Variants in KDM2B observed in about 807,000 individuals in gnomAD.
KDM2B encodes the protein lysine demethylase 2B.
A neutral mutation model predicts 150.0 loss-of-function variants in KDM2B; 26 were observed. The observed-to-expected ratio is 0.17, with a 90% CI of 0.13 to 0.24. The LOEUF (loss-of-function observed/expected upper bound fraction) is 0.24, where lower values mean the gene tolerates loss of function less well. Among genes scored for constraint, KDM2B ranks in the 10% least tolerant of loss-of-function variants. The pLI is 1.00. For synonymous variants in KDM2B, 734 were observed against 729.5 expected, an observed-to-expected ratio of 1.01 and a Z score of -0.10; for missense variants, 1,265 against 1,816.9, an observed-to-expected ratio of 0.70 and a Z score of 5.52.
intron 4 of KDM2B, among the ~76,000 whole-genome samples, chr12:121,556,060 G>A (rs1223291765): frequency 6.6e-6 from 1 of 151,944 alleles, no homozygotes; most frequent in African/African-American, 2.4e-5. Context: ...CCGAGTAGCT[G>A]GGACTACAAG....
chr12:121,479,989 G>A (rs147627063), intron 12 of KDM2B, among the ~76,000 whole-genome samples: 115 of 152,160 alleles, frequency 7.6e-4, no homozygotes, highest in Non-Finnish European at 1.2e-3. Flanking sequence ...TGTGATCTTA[G>A]CTTAATGCAG....
rs782203580 is a variant in KDM2B at position 121,441,103 on chromosome 12, T to G, written c.3415A>C (p.Lys1139Gln). The change falls in exon 20 of 23, where the codon AAG (lysine) becomes CAG (glutamine). Residue 1139 changes from lysine (K) to glutamine (Q), a missense_variant. Lys to Gln is a moderately conservative substitution (Grantham distance 53). This residue lies in a region of KDM2B where 251 missense variants were observed against 397.8 expected (regional missense o/e 0.63). Transcript: ENST00000377071. ...LDLSWTNISK[K>Q]QLSWLINRLP... ...CGGTTGATGAGCCAGCTCAGCTGCTTCTTGGAGATATTGGTCCAGCTGAGG... is the reference window on the plus strand; with the variant it reads ...CGGTTGATGAGCCAGCTCAGCTGCTGCTTGGAGATATTGGTCCAGCTGAGG... The G allele has an allele frequency of 4.3e-6, 7 of 1,614,172 alleles. No homozygotes were observed. Among genetic ancestry groups the G allele is most frequent in the South Asian group, 1.1e-5 (1 of 91,084 alleles).
In KDM2B at chr12:121,453,104, C is replaced by T. The variant is rs1877609022; in HGVS notation, c.1959+16G>A. On this transcript the variant is annotated intron_variant, in intron 13 of 22. Coordinates refer to ENST00000377071, the MANE Select transcript of KDM2B (RefSeq NM_032590.5). This position sits in a 1 kb window ranked among gnomAD's most constrained non-coding sequence, Gnocchi z 6.4. ...GGCCTGAATCGAGCGCAGGGCTGGG[C>T]GGGGGCCGCACTCACCGCGATGCAC... 2 of 1,589,346 alleles carry T rather than the reference C, an allele frequency of 1.3e-6. No homozygotes were observed. Among genetic ancestry groups the T allele is most frequent in the Middle Eastern group, 2.2e-4 (1 of 4,540 alleles).
chr12:121,516,156 A>T (rs776904116), intron 9 of KDM2B, among the ~76,000 whole-genome samples: 1 of 152,038 alleles, frequency 6.6e-6, no homozygotes, highest in Admixed American at 6.6e-5. Context: ...CCTCATCCAC[A>T]TTTCCTGACA....
intron 4 of KDM2B, among the ~76,000 whole-genome samples, chr12:121,555,902 A>T (rs543043898): frequency 2.4e-4 from 37 of 151,572 alleles, no homozygotes; most frequent in African/African-American, 7.7e-4. Flanking sequence ...ATGAGACTGA[A>T]TTGGGTTTTT....
chr12:121,446,291 G>A (rs527241639), intron 13 of KDM2B, among the ~76,000 whole-genome samples: 7 of 152,264 alleles, frequency 4.6e-5, no homozygotes, highest in East Asian at 3.9e-4. Flanking sequence ...CCAGCTACTC[G>A]GGAGACTGAG....
At chr12:121,433,967 CT>C (rs1374457628) in intron 22 of KDM2B, among the ~76,000 whole-genome samples, 4 of 151,558 alleles carry the variant, frequency 2.6e-5, no homozygotes, top group African/African-American at 9.7e-5. Flanking sequence ...TCACTTGAGC[CT>C]AGGAGTTCAA....
chr12:121,540,272 G>C (rs1888502523), intron 6 of KDM2B, among the ~76,000 whole-genome samples: 1 of 152,174 alleles, frequency 6.6e-6, no homozygotes, highest in Non-Finnish European at 1.5e-5. Context: ...CTGGGGTCTA[G>C]TGCATGGCCC....
At chr12:121,523,729 C>T (rs1357259912) in intron 8 of KDM2B, among the ~76,000 whole-genome samples, 1 of 152,238 alleles carries the variant, frequency 6.6e-6, no homozygotes, top group Non-Finnish European at 1.5e-5. Flanking sequence ...GAAAGCTCAT[C>T]ACCAGAAGCC....
intron 6 of KDM2B, among the ~76,000 whole-genome samples, chr12:121,540,300 C>T (rs1034259249): frequency 3.3e-5 from 5 of 152,086 alleles, no homozygotes; most frequent in African/African-American, 9.7e-5. Context: ...CCTCCCTGTG[C>T]GGGGCCGGTT....
intron 13 of KDM2B, 56 bp from the exon 14 acceptor site, chr12:121,445,474 AG>A: frequency 2.0e-6 from 3 of 1,511,656 alleles, no homozygotes; most frequent in Non-Finnish European, 1.8e-6. Flanking sequence ...ACGGACCCCC[AG>A]GGGGGCCAGT....
intron 4 of KDM2B, among the ~76,000 whole-genome samples, chr12:121,572,615 T>G (rs937436201): frequency 2.0e-5 from 3 of 152,190 alleles, no homozygotes; most frequent in Non-Finnish European, 4.4e-5. Context: ...ATTCTGTTTA[T>G]TTTTACATAG....
chr12:121,464,148 G>A (rs976124537), intron 12 of KDM2B, among the ~76,000 whole-genome samples: 2 of 152,282 alleles, frequency 1.3e-5, no homozygotes, highest in South Asian at 2.1e-4. Context: ...CAGGAGGATC[G>A]CTTGAGCCCA....
At chr12:121,435,052 GGCCAGGT>G (rs1873761450) in intron 22 of KDM2B, among the ~76,000 whole-genome samples, 3 of 115,822 alleles carry the variant, frequency 2.6e-5, no homozygotes, top group Admixed American at 2.5e-4. Flanking sequence ...AAAAAAAAAA[GGCCAGGT>G]GCAGTGGCTC....
chr12:121,532,944 G>C lies in KDM2B; in HGVS notation c.793C>G (p.Pro265Ala). 1 of 1,614,036 alleles carries C rather than the reference G, an allele frequency of 6.2e-7. No homozygotes were observed. Among genetic ancestry groups the C allele is most frequent in the Non-Finnish European group, 8.5e-7 (1 of 1,180,004 alleles). The change falls in exon 8 of 23, where the codon CCT becomes GCT. Residue 265 changes from proline (P) to alanine (A), a missense_variant. By Grantham distance (27) the Pro-to-Ala change is conservative. Coordinates refer to ENST00000377071, the MANE Select transcript of KDM2B (RefSeq NM_032590.5). ...AGCGCCAAATTGTGCAGCGTTGGAG[G>C]AATCAGCCAAAAAATCTTGGGAGAA... ...FRGGKIFWLIPPTLHNLALYE... is the reference protein window; with the variant it reads ...FRGGKIFWLIAPTLHNLALYE...
chr12:121,491,885 A>G (rs1002309464), intron 12 of KDM2B, among the ~76,000 whole-genome samples: 1 of 151,558 alleles, frequency 6.6e-6, no homozygotes, highest in Non-Finnish European at 1.5e-5. Flanking sequence ...AAGGTAAGTC[A>G]GGCACTGTGG....
In KDM2B at chr12:121,452,738, G is replaced by C. The variant is rs1555291886; in HGVS notation, c.1959+382C>G. On this transcript the variant is annotated intron_variant, in intron 13 of 22. Transcript: ENST00000377071. The surrounding 1 kb of genome is among the most constrained non-coding windows in gnomAD (Gnocchi z 4.4). Reference sequence around the variant, plus strand: ...TCAGTACCATAAATCACTCCTTGTTGGGGGCAGCCCCCTGAGATGGGGCGC... The same window carrying C: ...TCAGTACCATAAATCACTCCTTGTTCGGGGCAGCCCCCTGAGATGGGGCGC... Among the ~76,000 whole-genome samples, 1 of 152,144 alleles carries C rather than the reference G, an allele frequency of 6.6e-6. No homozygotes were observed. The highest frequency in any genetic ancestry group is 1.5e-5 in the Non-Finnish European group (1 of 68,006).
At chr12:121,417,163 A>G in the KDM2B span, among the ~76,000 whole-genome samples, 1 of 152,220 alleles carries the variant, frequency 6.6e-6, no homozygotes, top group Non-Finnish European at 1.5e-5. This position sits in a 1 kb window ranked among gnomAD's most constrained non-coding sequence, Gnocchi z 5.0. Context: ...CATGTAGGAA[A>G]AGACCAGGAA....
chr12:121,451,699 G>A (rs1398525549), intron 13 of KDM2B, among the ~76,000 whole-genome samples: 1 of 152,052 alleles, frequency 6.6e-6, no homozygotes, highest in Non-Finnish European at 1.5e-5. Context: ...ATCACTTGAG[G>A]TCAGGAGTTC....
Sources: gnomAD v4.1 joint callset for allele counts (sites outside exome capture counted in the v4.1 genomes callset) on GRCh38, gnomAD v4.1.1 for gene constraint, gnomAD v4.1.1 regional missense constraint, Gnocchi (gnomAD v3.1) non-coding constraint, MANE v1.5 for transcripts, NCBI Gene and HGNC (gene_info 2026-07-23, HGNC 2026-07-21) for gene names.